The following CADPS variants were observed in gnomAD, a reference collection of about 807,000 sequenced individuals.
CADPS encodes calcium dependent secretion activator.
In CADPS, 57 loss-of-function variants were observed where a neutral mutation model predicts 167.3. The observed-to-expected ratio is 0.34, with a 90% confidence interval of 0.28 to 0.42. The LOEUF (loss-of-function observed/expected upper bound fraction) is 0.42, where lower values mean the gene tolerates loss of function less well. Among genes scored for constraint, CADPS ranks in the 20% least tolerant of loss-of-function variants. The pLI is 1.00. For missense variants in CADPS, 1,414 were observed against 1,738.1 expected (o/e 0.81, Z 3.32); for synonymous variants, 676 against 635.3 (o/e 1.06, Z -0.96).
intron 28 of CADPS, among the ~76,000 whole-genome samples, chr3:62,436,961 G>A (rs1034043622): frequency 4.0e-5 from 6 of 151,886 alleles, no homozygotes; most frequent in Middle Eastern, 3.4e-3. Flanking sequence ...ATCAGAAAGC[G>A]GTGCCAACAA....
intron 11 of CADPS, among the ~76,000 whole-genome samples, chr3:62,541,128 C>G (rs2075616232): frequency 6.6e-6 from 1 of 152,128 alleles, no homozygotes; most frequent in Non-Finnish European, 1.5e-5. Context: ...TCCTAATGCT[C>G]TTTTTCATTA....
chr3:62,620,460 A>C (rs1364428840), intron 6 of CADPS, among the ~76,000 whole-genome samples: 1 of 152,202 alleles, frequency 6.6e-6, no homozygotes, highest in Non-Finnish European at 1.5e-5. Context: ...ATTATAATTT[A>C]ACATTTACTG....
intron 3 of CADPS, among the ~76,000 whole-genome samples, chr3:62,703,191 T>A (rs995738306): frequency 6.6e-6 from 1 of 152,168 alleles, no homozygotes; most frequent in African/African-American, 2.4e-5. Flanking sequence ...TTTAAATAAA[T>A]TCATGTGTGT....
chr3:62,756,766 G>A (rs1418224601), intron 2 of CADPS, among the ~76,000 whole-genome samples: 2 of 152,160 alleles, frequency 1.3e-5, no homozygotes, highest in Non-Finnish European at 2.9e-5. Context: ...TTAGAGAGAA[G>A]GAACAATACG....
intron 19 of CADPS, 87 bp from the exon 20 acceptor site, chr3:62,492,533 C>A: frequency 7.8e-7 from 1 of 1,281,518 alleles, no homozygotes. Context: ...CCTCACTGTT[C>A]AAAATTAATG....
At chr3:62,623,449 T>C (rs2063488614) in intron 6 of CADPS, among the ~76,000 whole-genome samples, 1 of 152,192 alleles carries the variant, frequency 6.6e-6, no homozygotes, top group African/African-American at 2.4e-5. Context: ...AATCCCTCCA[T>C]TTCCTCTGAT....
chr3:62,586,899 T>C (rs2084768639), intron 7 of CADPS, among the ~76,000 whole-genome samples: 3 of 152,244 alleles, frequency 2.0e-5, no homozygotes, highest in African/African-American at 7.2e-5. Context: ...TTGGAATAAC[T>C]TGCTAATTGT....
At chr3:62,581,170 TC>T (rs1444491221) in intron 8 of CADPS, among the ~76,000 whole-genome samples, 2 of 152,154 alleles carry the variant, frequency 1.3e-5, no homozygotes, top group Admixed American at 1.3e-4. Context: ...AACTCTAATA[TC>T]TTGTAGAGCT....
At chr3:62,650,286 A>C (rs2069760453) in intron 5 of CADPS, among the ~76,000 whole-genome samples, 1 of 152,232 alleles carries the variant, frequency 6.6e-6, no homozygotes, top group East Asian at 1.9e-4. Flanking sequence ...GTAGATCAGA[A>C]CTACTCCTTA....
rs138055445 is a variant in CADPS, at chr3:62,576,788, T to TAAAAAAAAAAAAAAAAA, written c.1578-5867_1578-5851dup. Among the ~76,000 whole-genome samples the TAAAAAAAAAAAAAAAAA allele has an allele frequency of 8.4e-4, 25 of 29,856 alleles. No homozygotes were observed. The East Asian group carries it at 9.9e-3, about 12-fold the overall frequency. 19.6% of individuals were successfully genotyped at this position (29,856 alleles called of 152,430 possible). On this transcript the variant is annotated intron_variant, in intron 8 of 29. Transcript: ENST00000383710. ...CTGGGTGACAGAGCAAGACTCTGTC[T>TAAAAAAAAAAAAAAAAA]AAAAAAAAAAAAAAAAAAAAAAAAA...
At chr3:62,695,282 G>T (rs2080053735) in intron 3 of CADPS, among the ~76,000 whole-genome samples, 1 of 151,910 alleles carries the variant, frequency 6.6e-6, no homozygotes, top group Non-Finnish European at 1.5e-5. Context: ...CTGTTGTATG[G>T]AAATTCAAAT....
intron 1 of CADPS, among the ~76,000 whole-genome samples, chr3:62,796,784 T>A (rs574074232): frequency 5.5e-4 from 84 of 152,264 alleles, no homozygotes; most frequent in Middle Eastern, 3.4e-3. Flanking sequence ...ATAAAATGTG[T>A]GTTTTAGCGC....
intron 1 of CADPS, among the ~76,000 whole-genome samples, chr3:62,827,568 T>C (rs555259035): frequency 6.6e-6 from 1 of 152,268 alleles, no homozygotes; most frequent in Non-Finnish European, 1.5e-5. Flanking sequence ...CTCCTAGCAG[T>C]TATGCTGTGT....
chr3:62,449,351 A>C (rs2057708242), intron 26 of CADPS, among the ~76,000 whole-genome samples: 4 of 152,196 alleles, frequency 2.6e-5, no homozygotes, highest in Admixed American at 2.6e-4. Flanking sequence ...CTCTGATTCA[A>C]GTCCCCTTAG....
At chr3:62,435,927 A>G (rs1329567371) in intron 28 of CADPS, among the ~76,000 whole-genome samples, 1 of 151,796 alleles carries the variant, frequency 6.6e-6, no homozygotes, top group Admixed American at 6.6e-5. Flanking sequence ...GGAAAAAAAT[A>G]TTCTCAGTAA....
intron 2 of CADPS, among the ~76,000 whole-genome samples, chr3:62,756,284 C>T (rs55696173): frequency 0.2 from 30,549 of 152,006 alleles, 3,323 homozygotes; most frequent in Middle Eastern, 0.3. Context: ...CCAGGCTGGT[C>T]TCCAATTCCT....
intron 11 of CADPS, among the ~76,000 whole-genome samples, chr3:62,548,260 G>T (rs2076809711): frequency 6.6e-6 from 1 of 152,192 alleles, no homozygotes; most frequent in South Asian, 2.1e-4. Context: ...TACTGGGTAT[G>T]ATTTATCTTG....
intron 25 of CADPS, 51 bp downstream of exon 25, chr3:62,466,288 A>G: frequency 8.0e-7 from 1 of 1,244,168 alleles, no homozygotes; most frequent in Non-Finnish European, 1.2e-6. Context: ...AAATGGAGAC[A>G]TAACAAAGCA....
intron 26 of CADPS, among the ~76,000 whole-genome samples, chr3:62,449,230 C>T (rs2057688746): frequency 6.6e-6 from 1 of 152,236 alleles, no homozygotes; most frequent in South Asian, 2.1e-4. Flanking sequence ...ACTGGAGAAG[C>T]TCAAACAGAG....
Sources: allele counts gnomAD v4.1 joint callset (sites outside exome capture counted in the v4.1 genomes callset), GRCh38; gene constraint gnomAD v4.1.1; transcripts MANE v1.5; gene names NCBI Gene and HGNC (gene_info 2026-07-23, HGNC 2026-07-21).